The following LRP2 variants were observed in gnomAD, a reference collection of about 807,000 sequenced individuals.
The protein encoded by LRP2 is LDL receptor related protein 2.
Under a neutral mutation model 531.0 loss-of-function variants are expected in LRP2, and 172 were observed. The observed-to-expected ratio is 0.32, with a 90% CI of 0.29 to 0.37. The LOEUF (loss-of-function observed/expected upper bound fraction) is 0.37, where lower values mean the gene tolerates loss of function less well. Among genes scored for constraint, LRP2 ranks in the 10% least tolerant of loss-of-function variants. LRP2 has a pLI of 1.00. For synonymous variants in LRP2, 1,992 were observed against 2,027.6 expected (o/e 0.98, Z 0.47); for missense variants, 5,167 against 5,868.3 (o/e 0.88, Z 3.90).
At chr2:169,262,304 T>A (rs1372158515) in intron 16 of LRP2, among the ~76,000 whole-genome samples, 1 of 102,612 alleles carries the variant, frequency 9.7e-6, no homozygotes, top group African/African-American at 3.2e-5. Flanking sequence ...GAAGTCAAAT[T>A]GTCCCTGTTT....
chr2:169,237,344 T>G, intron 27 of LRP2, 57 bp from the exon 28 acceptor site: 5 of 1,268,150 alleles, frequency 3.9e-6, no homozygotes, highest in Non-Finnish European at 5.7e-6. Context: ...AATGCAAACA[T>G]GGATATTATA....
rs749650258 is a variant in LRP2 at position 169,271,080 on chromosome 2, G to A, written c.2144C>T (p.Ser715Phe). 12 of 1,612,816 alleles carry A rather than the reference G, an allele frequency of 7.4e-6. No homozygotes were observed. Among genetic ancestry groups the A allele is most frequent in the African/African-American group, 1.3e-5 (1 of 74,910 alleles). The change falls in exon 16 of 79, where the codon TCC becomes TTC. Residue 715 changes from serine to phenylalanine, a missense_variant. Ser to Phe is a radical substitution (Grantham distance 155, BLOSUM62 -2). Transcript: ENST00000649046. ...IAVQNFLIFS[S>F]QVAIRGIPFT... ...CGGGATCCCACGAATAGCAACTTGG[G>A]ATGAAAAAATGAGGAAATTCTGAAC...
chr2:169,234,912 GTT>G (rs35329615), intron 29 of LRP2, among the ~76,000 whole-genome samples: 67,359 of 144,864 alleles, frequency 0.46, 15,338 homozygotes, highest in South Asian at 0.72. Context: ...GTTAATTTTT[GTT>G]TTTTTTTTTT....
chr2:169,280,329 G>C lies in LRP2; in HGVS notation c.1341+21C>G, dbSNP rs183654705. ...CACTTTGTGCTCAGGGTTCCATTCAGCTACTGAAATTTCTATTTACCTTAT... is the reference window on the plus strand; with the variant it reads ...CACTTTGTGCTCAGGGTTCCATTCACCTACTGAAATTTCTATTTACCTTAT... On this transcript the variant is annotated intron_variant, in intron 11 of 78. Transcript: ENST00000649046. 128 of 1,613,828 alleles carry C rather than the reference G, an allele frequency of 7.9e-5. 1 individual carries two copies. Among genetic ancestry groups the C allele is most frequent in the Non-Finnish European group, 1.1e-4 (126 of 1,179,764 alleles).
chr2:169,174,736 C>G (rs547524230), intron 55 of LRP2, among the ~76,000 whole-genome samples: 1 of 150,726 alleles, frequency 6.6e-6, no homozygotes, highest in African/African-American at 2.4e-5. Context: ...TGTTGGACTC[C>G]TGGGCTCAAG....
chr2:169,158,437 A>G (rs1390353487), intron 63 of LRP2, among the ~76,000 whole-genome samples: 1 of 152,040 alleles, frequency 6.6e-6, no homozygotes, highest in Admixed American at 6.6e-5. Flanking sequence ...TTAATGATGC[A>G]CCATTACTTT....
At chr2:169,222,886 T>G (rs1441196973) in intron 33 of LRP2, among the ~76,000 whole-genome samples, 1 of 152,146 alleles carries the variant, frequency 6.6e-6, no homozygotes, top group Non-Finnish European at 1.5e-5. Flanking sequence ...AGCTCACAAG[T>G]AACCATGAAT....
rs775992011 is a variant in LRP2, at chr2:169,206,048, C to T, written c.7531G>A (p.Ala2511Thr). The change falls in exon 40 of 79, where the codon GCA becomes ACA. Residue 2511 changes from alanine to threonine, a missense_variant. Physicochemically the swap from Ala to Thr is moderately conservative, Grantham distance 58 (BLOSUM62 0). Coordinates refer to ENST00000649046, the MANE Select transcript of LRP2 (RefSeq NM_004525.3). ...CCTTGGCAGGGATCTAACACAATTG[C>T]TCTTGGTTTTGGAACGCGGGCTATC... The part of the protein sequence containing the change: ...TVIARVPKPR[A>T]IVLDPCQGYL... 2 of 1,614,164 alleles carry T rather than the reference C, an allele frequency of 1.2e-6. No homozygotes were observed. The highest frequency in any genetic ancestry group is 1.7e-6 in the Non-Finnish European group (2 of 1,180,020).
intron 13 of LRP2, among the ~76,000 whole-genome samples, chr2:169,276,557 G>C (rs1478808425): frequency 6.6e-6 from 1 of 152,014 alleles, no homozygotes; most frequent in Non-Finnish European, 1.5e-5. Context: ...TCAGTGATAG[G>C]AAGTCACCAT....
At chr2:169,159,662 A>T (rs1350737649) in intron 63 of LRP2, among the ~76,000 whole-genome samples, 3 of 152,134 alleles carry the variant, frequency 2.0e-5, no homozygotes, top group Non-Finnish European at 4.4e-5. Context: ...AAAATTTGTC[A>T]TAGTATTTCC....
At chr2:169,237,513 G>A (rs1376529393) in intron 27 of LRP2, among the ~76,000 whole-genome samples, 1 of 152,122 alleles carries the variant, frequency 6.6e-6, no homozygotes, top group Non-Finnish European at 1.5e-5. Context: ...TGACTTCATT[G>A]TTTGGTTAGT....
chr2:169,157,295 T>C, intron 64 of LRP2, 76 bp downstream of exon 64: 1 of 1,442,926 alleles, frequency 6.9e-7, no homozygotes, highest in Non-Finnish European at 9.7e-7. Context: ...TAGTGATTTA[T>C]TTAACAAAGG....
intron 60 of LRP2, among the ~76,000 whole-genome samples, chr2:169,169,194 T>C (rs901288258): frequency 1.3e-5 from 2 of 152,198 alleles, no homozygotes; most frequent in Non-Finnish European, 2.9e-5. Context: ...AGAAACTCCA[T>C]TTTGATCTCT....
intron 68 of LRP2, among the ~76,000 whole-genome samples, chr2:169,147,429 C>G (rs1685957791): frequency 6.6e-6 from 1 of 152,152 alleles, no homozygotes; most frequent in Admixed American, 6.5e-5. Flanking sequence ...ATCCTCTCAT[C>G]TCAGCCTCCT....
At chr2:169,178,516 C>A (rs546224698) in intron 52 of LRP2, among the ~76,000 whole-genome samples, 10 of 152,312 alleles carry the variant, frequency 6.6e-5, no homozygotes, top group Non-Finnish European at 1.3e-4. Context: ...GTTGCATTCT[C>A]AGTATAACCT....
chr2:169,337,796 C>G (rs1206036143), intron 1 of LRP2, among the ~76,000 whole-genome samples: 1 of 152,168 alleles, frequency 6.6e-6, no homozygotes, highest in Non-Finnish European at 1.5e-5. Flanking sequence ...CCAATATTAC[C>G]AGGCTTACTG....
At chr2:169,233,624 A>T in intron 29 of LRP2, 36 bp from the exon 30 acceptor site, 1 of 1,599,254 alleles carries the variant, frequency 6.3e-7, no homozygotes, top group Non-Finnish European at 8.6e-7. Context: ...ACCTCATCCA[A>T]AAATCAAAGC....
chr2:169,161,471 A>ATTGTTTGT (rs573279940), intron 63 of LRP2, among the ~76,000 whole-genome samples: 1 of 151,184 alleles, frequency 6.6e-6, no homozygotes. Context: ...TTTTTGTTTG[A>ATTGTTTGT]TTGTTTGTTT....
intron 75 of LRP2, among the ~76,000 whole-genome samples, chr2:169,138,348 C>T (rs190312195): frequency 1.9e-4 from 29 of 152,268 alleles, no homozygotes; most frequent in African/African-American, 6.7e-4. Flanking sequence ...GTTCATGATT[C>T]CAATTCAACA....
Sources: allele counts gnomAD v4.1 joint callset (sites outside exome capture counted in the v4.1 genomes callset), GRCh38; gene constraint gnomAD v4.1.1; transcripts MANE v1.5; gene names NCBI Gene and HGNC (gene_info 2026-07-23, HGNC 2026-07-21).